The following LYST variants were observed in gnomAD, a reference collection of about 807,000 sequenced individuals.
LYST encodes the protein lysosomal-trafficking regulator.
A neutral mutation model predicts 413.6 loss-of-function variants in LYST; 192 were observed. The ratio of observed to expected loss-of-function variants is 0.46; its 90% CI spans 0.41 to 0.52. The LOEUF is 0.52. Ranked by LOEUF, LYST falls within the 20% of genes least tolerant of loss-of-function variation. The pLI, the probability that LYST is intolerant of heterozygous loss-of-function variation, is 0.00. For missense variants in LYST, 3,815 were observed against 4,499.9 expected (o/e 0.85, Z 4.35); for synonymous variants, 1,525 against 1,567.3 (o/e 0.97, Z 0.64).
At chr1:235,731,249 A>G (rs911861504) in intron 34 of LYST, 72 bp from the exon 35 acceptor site, 56 of 1,346,556 alleles carry the variant, frequency 4.2e-5, no homozygotes, top group Non-Finnish European at 4.0e-5. Flanking sequence ...AAATCATTAT[A>G]GAGATTGAGT....
intron 1 of LYST, among the ~76,000 whole-genome samples, chr1:235,878,297 G>A (rs1315905784): frequency 6.6e-6 from 1 of 151,204 alleles, no homozygotes; most frequent in Non-Finnish European, 1.5e-5. Flanking sequence ...GGAGTGGCTT[G>A]TGGCAGAGCA....
intron 38 of LYST, among the ~76,000 whole-genome samples, chr1:235,725,431 C>T (rs901342490): frequency 6.6e-6 from 1 of 151,750 alleles, no homozygotes; most frequent in African/African-American, 2.4e-5. Flanking sequence ...GAGACTCTGT[C>T]TTAAAAAAAT....
At chr1:235,818,365 A>G (rs1209401399) in intron 3 of LYST, among the ~76,000 whole-genome samples, 3 of 152,156 alleles carry the variant, frequency 2.0e-5, no homozygotes, top group Non-Finnish European at 4.4e-5. Flanking sequence ...CTCTCAGGGC[A>G]TGGACTCCAG....
At position 235,687,007 on chromosome 1, in the gene LYST, A is replaced by C; in HGVS notation, c.10742T>G (p.Phe3581Cys). ...CAWVPDSCQLFTGSKCGVITA... is the reference protein window; with the variant it reads ...CAWVPDSCQLCTGSKCGVITA... ...GATGACACCGCATTTGCTTCCAGTA[A>C]ACAGCTGGCAACTGTCAGGCACCCA... is the stretch of plus-strand genomic sequence containing the variant. Residue 3581 changes from phenylalanine to cysteine, a missense_variant, in exon 48 of 53, where the codon TTT (phenylalanine) becomes TGT (cysteine). Physicochemically the swap from Phe to Cys is radical, Grantham distance 205. Transcript: ENST00000389793. 6 of 1,614,110 alleles carry C rather than the reference A, an allele frequency of 3.7e-6. No individual in the cohort carries two copies. The highest frequency in any genetic ancestry group is 4.2e-6 in the Non-Finnish European group (5 of 1,179,982).
intron 36 of LYST, among the ~76,000 whole-genome samples, chr1:235,730,208 T>C (rs1664241063): frequency 6.6e-6 from 1 of 152,006 alleles, no homozygotes; most frequent in African/African-American, 2.4e-5. Context: ...ATCTATGAAA[T>C]GGGTATAATA....
chr1:235,758,884 G>T, intron 23 of LYST, 88 bp downstream of exon 23: 1 of 1,111,242 alleles, frequency 9.0e-7, no homozygotes, highest in Non-Finnish European at 1.4e-6. Flanking sequence ...ATTATAAGTG[G>T]CATAATGAAG....
intron 48 of LYST, among the ~76,000 whole-genome samples, chr1:235,685,866 A>C (rs1660182519): frequency 6.8e-6 from 1 of 148,074 alleles, no homozygotes; most frequent in African/African-American, 2.6e-5. Context: ...AAAAAAAAAA[A>C]AACAAACAAA....
At chr1:235,795,039 G>A (rs572721826) in intron 10 of LYST, among the ~76,000 whole-genome samples, 1 of 152,240 alleles carries the variant, frequency 6.6e-6, no homozygotes, top group African/African-American at 2.4e-5. Context: ...AATATTTCTT[G>A]AAGATGGAAA....
intron 16 of LYST, 63 bp from the exon 17 acceptor site, chr1:235,777,371 CAAGT>C (rs773926902): frequency 1.3e-5 from 18 of 1,429,476 alleles, no homozygotes; most frequent in Non-Finnish European, 1.4e-5. Context: ...TATGAACTAG[CAAGT>C]AAGTATTTCA....
At chr1:235,669,439 G>A (rs568778488) in intron 50 of LYST, among the ~76,000 whole-genome samples, 1 of 152,372 alleles carries the variant, frequency 6.6e-6, no homozygotes, top group East Asian at 1.9e-4. Flanking sequence ...GCTGGCAGAT[G>A]GGAAATTGGC....
At chr1:235,815,673 A>G (rs917053169) in intron 3 of LYST, among the ~76,000 whole-genome samples, 2 of 152,184 alleles carry the variant, frequency 1.3e-5, no homozygotes, top group Non-Finnish European at 2.9e-5. Context: ...CAAGAACACA[A>G]TCTCATTCAC....
intron 19 of LYST, among the ~76,000 whole-genome samples, chr1:235,770,822 A>G (rs1668589419): frequency 6.6e-6 from 1 of 152,214 alleles, no homozygotes; most frequent in Admixed American, 6.5e-5. Context: ...ATGATTACAA[A>G]CTATGCACTT....
intron 41 of LYST, among the ~76,000 whole-genome samples, chr1:235,716,140 G>A (rs1662818949): frequency 6.6e-6 from 1 of 152,176 alleles, no homozygotes; most frequent in African/African-American, 2.4e-5. Context: ...ATAATGTGAT[G>A]AATATGAGAA....
rs952906902 is a variant in LYST, at chr1:235,854,585, C to T, written c.-98+12258G>A. ...TATGACCTTGGGTACTCGACTTCCT[C>T]TTTCTAAGCCTCAGTTTCTCATCTA... is the stretch of plus-strand genomic sequence containing the variant. On this transcript the variant is annotated intron_variant, in intron 1 of 52. Transcript: ENST00000389793. The surrounding 1 kb of genome is among the most constrained non-coding windows in gnomAD (Gnocchi z 4.1). 2.0e-5 allele frequency among the ~76,000 whole-genome samples: 3 copies of T among 152,126 alleles called. No individual in the cohort carries two copies. Among genetic ancestry groups the T allele is most frequent in the Non-Finnish European group, 2.9e-5 (2 of 68,042 alleles).
chr1:235,774,081 C>T (rs1668979787), intron 18 of LYST, 90 bp from the exon 19 acceptor site: 1 of 870,954 alleles, frequency 1.1e-6, no homozygotes, highest in African/African-American at 1.7e-5. Context: ...TTTTAGCAAT[C>T]ATTAAATTCA....
At chr1:235,804,787 G>T (rs746165198) in intron 6 of LYST, 122 bp from the exon 7 acceptor site, 51 of 647,746 alleles carry the variant, frequency 7.9e-5, no homozygotes, top group Non-Finnish European at 1.3e-4. Context: ...CAGTTGATAT[G>T]AAAGCAAAAT....
intron 44 of LYST, among the ~76,000 whole-genome samples, chr1:235,707,892 A>G (rs1662113018): frequency 6.6e-6 from 1 of 152,068 alleles, no homozygotes; most frequent in Non-Finnish European, 1.5e-5. Flanking sequence ...ATTTTGGAAT[A>G]TTAGCATTAT....
intron 1 of LYST, among the ~76,000 whole-genome samples, chr1:235,842,337 T>G (rs1677313981): frequency 1.3e-5 from 2 of 152,068 alleles, no homozygotes; most frequent in Non-Finnish European, 2.9e-5. Flanking sequence ...ATGTTAGAAT[T>G]TTTAGATTTC....
At chr1:235,838,999 T>C (rs969374666) in intron 1 of LYST, among the ~76,000 whole-genome samples, 3 of 152,056 alleles carry the variant, frequency 2.0e-5, no homozygotes, top group South Asian at 4.2e-4. Flanking sequence ...GCCCTTTCTT[T>C]CTTTTTGTAG....
Sources: allele counts gnomAD v4.1 joint callset (sites outside exome capture counted in the v4.1 genomes callset), GRCh38; gene constraint gnomAD v4.1.1; non-coding constraint Gnocchi (gnomAD v3.1); transcripts MANE v1.5; gene names NCBI Gene and HGNC (gene_info 2026-07-23, HGNC 2026-07-21).